PATL2: variants seen among roughly 807,000 people sequenced by gnomAD.
PATL2 encodes the protein PAT1 homolog 2.
In PATL2, 73 loss-of-function variants were observed where a neutral mutation model predicts 77.0. The ratio of observed to expected loss-of-function variants is 0.95; its 90% CI spans 0.78 to 1.15. The LOEUF (loss-of-function observed/expected upper bound fraction) is 1.15, where lower values mean the gene tolerates loss of function less well. Ranked by LOEUF, PATL2 falls within the 50% of genes most tolerant of loss-of-function variation. The pLI is 0.00. For synonymous variants in PATL2, 265 were observed against 257.1 expected (o/e 1.03, Z -0.29); for missense variants, 618 against 655.4 (o/e 0.94, Z 0.62).
Position 44,668,326 on chromosome 15 carries a change from C to A in PATL2, c.1365+16G>T. 6.5e-7 allele frequency: 1 copy of A among 1,548,502 alleles called. No homozygotes were observed. The highest frequency in any genetic ancestry group is 1.2e-5 in the South Asian group (1 of 83,776). Reference sequence around the variant, plus strand: ...CTGAAAGCCATCTATGGAAAAAAGCCTCCTAGACATGTTACCTGATTCTGA... The same window carrying A: ...CTGAAAGCCATCTATGGAAAAAAGCATCCTAGACATGTTACCTGATTCTGA... On this transcript the variant is annotated intron_variant, in intron 15 of 17. Transcript: ENST00000682850.
At chr15:44,671,933 G>C (rs944372787) in intron 9 of PATL2, 82 bp downstream of exon 9, 1 of 1,491,096 alleles carries the variant, frequency 6.7e-7, no homozygotes, top group South Asian at 1.3e-5. Flanking sequence ...TCTATGAGCC[G>C]AAGAGAGGAT....
chr15:44,689,675 C>T (rs1259494094), intron 3 of PATL2, among the ~76,000 whole-genome samples: 2 of 151,992 alleles, frequency 1.3e-5, no homozygotes, highest in African/African-American at 4.8e-5. Context: ...AACACATGGA[C>T]ACAGGGAGGG....
At chr15:44,700,413 T>G (rs1273866979) in intron 3 of PATL2, among the ~76,000 whole-genome samples, 1 of 152,174 alleles carries the variant, frequency 6.6e-6, no homozygotes, top group African/African-American at 2.4e-5. Flanking sequence ...GTGATTCTCC[T>G]GCCTCAGCCT....
Position 44,691,126 on chromosome 15 carries a change from A to G in PATL2, c.-75-14561T>C, listed in dbSNP as rs547005903. On this transcript the variant is annotated intron_variant, in intron 3 of 17. Coordinates refer to ENST00000682850, the MANE Select transcript of PATL2 (RefSeq NM_001387263.1). ...TTTTTAACTGATATTTTATGTTAAA[A>G]TATATTTGGTTATAAAAAACTCAAA... is the stretch of plus-strand genomic sequence containing the variant. Among the ~76,000 whole-genome samples, 81 of 152,224 alleles carry G rather than the reference A, an allele frequency of 5.3e-4. No individual in the cohort carries two copies. In the South Asian group the frequency reaches 7.0e-3, roughly 13 times the overall value.
chr15:44,666,617 C>T (rs1595953350), intron 16 of PATL2, 76 bp from the exon 17 acceptor site: 1 of 1,379,584 alleles, frequency 7.2e-7, no homozygotes, highest in East Asian at 2.5e-5. Flanking sequence ...TTCTTATTAT[C>T]TTTCCGTTAC....
chr15:44,676,533 T>A lies in PATL2; in HGVS notation c.-43A>T. On this transcript the variant is annotated 5_prime_UTR_variant, in exon 4 of 18. Transcript: ENST00000682850. ...CTTCCTTCTTAGCCGTGTCCTCCAG[T>A]GAAACAGCATTGCCAGCCTCTGGAA... The A allele has an allele frequency of 1.9e-6, 3 of 1,551,072 alleles. No homozygotes were observed. The highest frequency in any genetic ancestry group is 2.6e-6 in the Non-Finnish European group (3 of 1,146,676).
At chr15:44,673,679 G>GAC (rs1566854787) in intron 6 of PATL2, among the ~76,000 whole-genome samples, 2 of 152,078 alleles carry the variant, frequency 1.3e-5, no homozygotes, top group African/African-American at 4.8e-5. Flanking sequence ...CTTCTCTTGG[G>GAC]CTGTCTTCAG....
intron 3 of PATL2, among the ~76,000 whole-genome samples, chr15:44,699,719 G>T (rs976605242): frequency 6.6e-6 from 1 of 152,160 alleles, no homozygotes; most frequent in Non-Finnish European, 1.5e-5. Context: ...TCTGCATATG[G>T]ATATCCAGTT....
intron 11 of PATL2, 59 bp from the exon 12 acceptor site, chr15:44,669,622 G>A (rs1170378381): frequency 3.3e-6 from 5 of 1,530,746 alleles, no homozygotes; most frequent in Non-Finnish European, 4.4e-6. Context: ...CCCTAGCCCA[G>A]GCCCCCAACT....
chr15:44,670,190 T>A, intron 9 of PATL2, 103 bp from the exon 10 acceptor site: 3 of 1,434,044 alleles, frequency 2.1e-6, no homozygotes, highest in Non-Finnish European at 2.8e-6. Context: ...GTTTAGTTTT[T>A]TTGTGTGTGT....
Position 44,669,455 on chromosome 15 carries a change from T to C in PATL2, c.931-42A>G, listed in dbSNP as rs143375733. 5.5e-5 allele frequency: 85 copies of C among 1,548,858 alleles called. 1 individual carries two copies. The East Asian group carries it at 1.4e-3, about 26-fold the overall frequency. ...GGAAAAAAGAGGTAAATTTGGGTAA[T>C]ATCTCATTCTCAAAGGTAGGTTTGG... is the stretch of plus-strand genomic sequence containing the variant. On this transcript the variant is annotated intron_variant, in intron 12 of 17. Coordinates refer to ENST00000682850, the MANE Select transcript of PATL2 (RefSeq NM_001387263.1).
In PATL2 at chr15:44,673,409, G is replaced by T. The variant is rs567896363; in HGVS notation, c.304-32C>A. The T allele has an allele frequency of 2.1e-5, 32 of 1,549,746 alleles. No individual in the cohort carries two copies. The African/African-American group carries it at 4.2e-4, about 21-fold the overall frequency. On this transcript the variant is annotated intron_variant, in intron 6 of 17. Transcript: ENST00000682850. The stretch of plus-strand genomic sequence containing the variant: ...GAGGAATTAAGAGGTCTGGGAGAAC[G>T]CCATCTCCACCAAAAGAATGCTGCT...
rs933165876 is a variant in PATL2, at chr15:44,703,723, C to CTTTTTTTTTTT, written c.-76+6362_-76+6372dup. ...GTAGGCAACAAATCACCGGGTCTTG[C>CTTTTTTTTTTT]TTTTTTTTTTTTTTTTTTTTTTTTT... On this transcript the variant is annotated intron_variant, in intron 3 of 17. Coordinates refer to ENST00000682850, the MANE Select transcript of PATL2 (RefSeq NM_001387263.1). Among the ~76,000 whole-genome samples the CTTTTTTTTTTT allele has an allele frequency of 9.1e-5, 3 of 33,012 alleles. 1 individual carries two copies. The highest frequency in any genetic ancestry group is 1.8e-4 in the Non-Finnish European group (3 of 17,078). The allele number at this position is 33,012 out of a possible 152,430, so 21.7% of individuals were successfully genotyped here. A position where few individuals can be genotyped will look rare whatever the true frequency, so the allele number is the denominator to read the frequency against.
At chr15:44,705,504 C>T (rs547173604) in intron 3 of PATL2, among the ~76,000 whole-genome samples, 3 of 152,200 alleles carry the variant, frequency 2.0e-5, no homozygotes, top group South Asian at 2.1e-4. Flanking sequence ...TTAAATTTGC[C>T]GTTTTGAGGC....
At chr15:44,704,472 GA>G (rs2086693263) in intron 3 of PATL2, among the ~76,000 whole-genome samples, 1 of 152,078 alleles carries the variant, frequency 6.6e-6, no homozygotes, top group Non-Finnish European at 1.5e-5. Flanking sequence ...AAGAAGCAAA[GA>G]AAAAATTAAT....
chr15:44,693,816 C>T (rs2141250302), intron 3 of PATL2, among the ~76,000 whole-genome samples: 1 of 152,098 alleles, frequency 6.6e-6, no homozygotes, highest in Admixed American at 6.5e-5. Context: ...TTTCCTGCCT[C>T]AGCCTCCCAA....
At chr15:44,681,024 T>TTTTC (rs1305541011) in intron 3 of PATL2, among the ~76,000 whole-genome samples, 1 of 152,076 alleles carries the variant, frequency 6.6e-6, no homozygotes, top group Non-Finnish European at 1.5e-5. Flanking sequence ...TACCAGTGAT[T>TTTTC]TTTCTTTCTT....
Position 44,675,668 on chromosome 15 carries a change from A to T in PATL2, c.40T>A (p.Leu14Met). 6.4e-7 allele frequency: 1 copy of T among 1,550,768 alleles called. No individual in the cohort carries two copies. The highest frequency in any genetic ancestry group is 1.2e-5 in the South Asian group (1 of 83,916). Reference protein sequence around the residue: ...LEGPGKTCGPLASEEELVSAC... With the variant: ...LEGPGKTCGPMASEEELVSAC... ...GACACCAGCTCCTCCTCAGAAGCCA[A>T]GGGGCCACAGGTCTTACCTGGCCCT... Residue 14 changes from leucine (L) to methionine (M), a missense_variant, in exon 5 of 18, where the codon TTG (leucine) becomes ATG (methionine). Transcript: ENST00000682850.
At chr15:44,709,080 G>T (rs1446900179) in intron 3 of PATL2, among the ~76,000 whole-genome samples, 3 of 151,960 alleles carry the variant, frequency 2.0e-5, no homozygotes, top group Non-Finnish European at 4.4e-5. Context: ...TGTATTTTTA[G>T]TAGAGACAGG....
Sources: gnomAD v4.1 joint callset for allele counts (sites outside exome capture counted in the v4.1 genomes callset) on GRCh38, gnomAD v4.1.1 for gene constraint, MANE v1.5 for transcripts, NCBI Gene and HGNC (gene_info 2026-07-23, HGNC 2026-07-21) for gene names.